ARID1B: variants seen among roughly 807,000 people sequenced by gnomAD.
The protein encoded by ARID1B is AT-rich interactive domain-containing protein 1B.
ARID1B carries 30 observed loss-of-function variants against 212.3 expected under a neutral mutation model. The observed-to-expected ratio is 0.14, with a 90% CI of 0.11 to 0.19. The LOEUF (loss-of-function observed/expected upper bound fraction) is 0.19. ARID1B is among the 10% of genes least tolerant of loss of function. The pLI, the probability that ARID1B is intolerant of heterozygous loss-of-function variation, is 1.00. For missense variants in ARID1B, 2,891 were observed against 3,204.0 expected, an observed-to-expected ratio of 0.90 and a Z score of 2.36; for synonymous variants, 1,402 against 1,301.7, an observed-to-expected ratio of 1.08 and a Z score of -1.66.
chr6:157,184,759 T>C (rs2128327240), intron 13 of ARID1B: 10 of 364,838 alleles, frequency 2.7e-5, no homozygotes, highest in South Asian at 2.7e-4. Flanking sequence ...TCCATCTACC[T>C]CTACACAAAA....
chr6:156,896,613 G>T (rs112354980), intron 2 of ARID1B, among the ~76,000 whole-genome samples: 2 of 147,194 alleles, frequency 1.4e-5, no homozygotes, highest in Non-Finnish European at 3.0e-5. Flanking sequence ...GGACACAGTG[G>T]CTCACGCCTG....
At position 156,778,095 on chromosome 6, in the gene ARID1B, G is replaced by T; in HGVS notation, c.415G>T (p.Gly139Cys). The T allele has an allele frequency of 6.5e-7, 1 of 1,540,650 alleles. No homozygotes were observed. Among genetic ancestry groups the T allele is most frequent in the African/African-American group, 1.4e-5 (1 of 72,936 alleles). ...AASSSSSSGP[G>C]SAMETGLLPN... ...ATCCTCTTCCTCCTCGTCGGGCCCG[G>T]GCTCGGCCATGGAGACGGGGCTGCT... Residue 139 changes from glycine to cysteine, a missense_variant, in exon 1 of 20, where the codon GGC becomes TGC. Transcript: ENST00000636930.
At chr6:156,978,094 A>G (rs1208127014) in intron 4 of ARID1B, among the ~76,000 whole-genome samples, 1 of 152,162 alleles carries the variant, frequency 6.6e-6, no homozygotes, top group South Asian at 2.1e-4. Flanking sequence ...GACTCTGCCG[A>G]GTATGGGAGG....
intron 6 of ARID1B, among the ~76,000 whole-genome samples, chr6:157,113,568 C>T (rs751480409): frequency 2.0e-5 from 3 of 152,086 alleles, no homozygotes; most frequent in Non-Finnish European, 4.4e-5. Flanking sequence ...TTTAAACAAC[C>T]ATATCTCGTG....
chr6:157,119,182 C>T (rs1263178486), intron 6 of ARID1B, among the ~76,000 whole-genome samples: 2 of 152,150 alleles, frequency 1.3e-5, no homozygotes, highest in Admixed American at 1.3e-4. Flanking sequence ...TCCCACACAC[C>T]CCTTCTCCAT....
At chr6:156,880,006 G>A (rs930781332) in intron 2 of ARID1B, among the ~76,000 whole-genome samples, 2 of 152,236 alleles carry the variant, frequency 1.3e-5, no homozygotes, top group Non-Finnish European at 2.9e-5. Context: ...GATTTCCAAA[G>A]GCTGTTCCAG....
intron 1 of ARID1B, among the ~76,000 whole-genome samples, chr6:156,827,855 G>C (rs572634119): frequency 6.7e-6 from 1 of 148,474 alleles, no homozygotes; most frequent in Non-Finnish European, 1.5e-5. Context: ...CCGCCTCCTG[G>C]GTTCAAGCGA....
At chr6:156,863,155 A>T (rs1785451204) in intron 2 of ARID1B, among the ~76,000 whole-genome samples, 1 of 152,120 alleles carries the variant, frequency 6.6e-6, no homozygotes, top group South Asian at 2.1e-4. Context: ...GCTTGTGGGG[A>T]TAAGAAGGAT....
chr6:156,805,200 T>G (rs902001600), intron 1 of ARID1B, among the ~76,000 whole-genome samples: 39 of 152,298 alleles, frequency 2.6e-4, no homozygotes, highest in African/African-American at 8.7e-4. Flanking sequence ...TTTTCAGGGA[T>G]GTAGTATTGG....
At chr6:156,875,415 G>A (rs1319197901) in intron 2 of ARID1B, among the ~76,000 whole-genome samples, 1 of 152,202 alleles carries the variant, frequency 6.6e-6, no homozygotes, top group Non-Finnish European at 1.5e-5. Context: ...GGAACACTTT[G>A]CCATTTATTC....
At position 156,897,218 on chromosome 6, in the gene ARID1B, G is replaced by GCTGCTGCTTCTT. The variant is rs1554264583; in HGVS notation, c.1987-4156_1987-4155insGCTGCTTCTTCT. 1.7e-3 allele frequency among the ~76,000 whole-genome samples: 153 copies of GCTGCTGCTTCTT among 91,306 alleles called. 1 individual carries two copies. Among genetic ancestry groups the GCTGCTGCTTCTT allele is most frequent in the African/African-American group, 4.8e-3 (118 of 24,740 alleles). 59.9% of individuals were successfully genotyped at this position (91,306 alleles called of 152,430 possible). ...TGCTGCTGCTGCTGCTGCTGCTGCT[G>GCTGCTGCTTCTT]CTTCTTCTTCTTCTTCTTCTTCTTC... On this transcript the variant is annotated intron_variant, in intron 2 of 19. Coordinates refer to ENST00000636930, the MANE Select transcript of ARID1B (RefSeq NM_001374828.1).
chr6:157,181,237 G>T (rs139315499), intron 12 of ARID1B, 59 bp downstream of exon 12: 1 of 1,574,988 alleles, frequency 6.3e-7, no homozygotes, highest in South Asian at 1.1e-5. Flanking sequence ...TTCTTACAGT[G>T]GCTTTCTTTG....
In ARID1B at chr6:157,175,229, T is replaced by C. The variant is rs572600763; in HGVS notation, c.3504+224T>C. The C allele has an allele frequency of 1.3e-5, 4 of 319,470 alleles. No homozygotes were observed. In the East Asian group the frequency reaches 2.4e-4, roughly 19 times the overall value. The allele number at this position is 319,470 out of a possible 1,614,324, so 19.8% of individuals were successfully genotyped here. ...AGTTGATTTCTGGTAATGAAAAAGCTGTTATAAAGAAGCACCTCTATACAA... is the reference window on the plus strand; with the variant it reads ...AGTTGATTTCTGGTAATGAAAAAGCCGTTATAAAGAAGCACCTCTATACAA... On this transcript the variant is annotated intron_variant, in intron 11 of 19. Transcript: ENST00000636930.
chr6:157,152,953 C>T (rs568851109), intron 8 of ARID1B, among the ~76,000 whole-genome samples: 2 of 152,128 alleles, frequency 1.3e-5, no homozygotes, highest in African/African-American at 2.4e-5. Context: ...CTGAAAAGGA[C>T]AAATTAATGA....
rs1483839954 is a variant in ARID1B at position 156,778,449 on chromosome 6, C to G, written c.769C>G (p.Pro257Ala). Residue 257 changes from proline to alanine, a missense_variant, in exon 1 of 20, where the codon CCG becomes GCG. Pro to Ala is a conservative substitution (Grantham distance 27). Transcript: ENST00000636930. Reference protein sequence around the residue: ...DSAAGGQADPPGPPLLSKPGD... With the variant: ...DSAAGGQADPAGPPLLSKPGD... Reference sequence around the variant, plus strand: ...TGCTGCGGGCGGCCAGGCCGACCCCCCGGGCCCGCCGCTGCTGAGCAAGCC... The same window carrying G: ...TGCTGCGGGCGGCCAGGCCGACCCCGCGGGCCCGCCGCTGCTGAGCAAGCC... 2 of 1,407,552 alleles carry G rather than the reference C, an allele frequency of 1.4e-6. No homozygotes were observed. Among genetic ancestry groups the G allele is most frequent in the Non-Finnish European group, 1.8e-6 (2 of 1,089,596 alleles). 87.2% of individuals were successfully genotyped at this position (1,407,552 alleles called of 1,614,324 possible).
chr6:157,032,509 A>AT lies in ARID1B; in HGVS notation c.2248-52153_2248-52152insT, dbSNP rs1194358741. Among the ~76,000 whole-genome samples, 5 of 152,146 alleles carry AT rather than the reference A, an allele frequency of 3.3e-5. No individual in the cohort carries two copies. In the East Asian group the frequency reaches 9.6e-4, roughly 29 times the overall value. ...GTTTGAGGATATTGATATGTAATGG[A>AT]AGATTGTTTTCTGGGCGGGTCATTC... On this transcript the variant is annotated intron_variant, in intron 4 of 19. Coordinates refer to ENST00000636930, the MANE Select transcript of ARID1B (RefSeq NM_001374828.1).
In ARID1B at chr6:157,201,139, C is replaced by G; in HGVS notation, c.4914C>G (p.His1638Gln). The change falls in exon 18 of 20, where the codon CAC (histidine) becomes CAG (glutamine). Residue 1638 changes from histidine (H) to glutamine (Q), a missense_variant. Transcript: ENST00000636930. The surrounding 1 kb of genome is among the most constrained non-coding windows in gnomAD (Gnocchi z 5.2). ...ATCATGAGAGCCAGTGGCCTTCTCA[C>G]GTCAGCCAGCGTCAGCCTTATATGT... ...RINHESQWPS[H>Q]VSQRQPYMSS... 6.2e-7 allele frequency: 1 copy of G among 1,614,188 alleles called. No homozygotes were observed. The highest frequency in any genetic ancestry group is 1.7e-5 in the Admixed American group (1 of 60,024).
chr6:156,884,569 G>GT (rs1362064436), intron 2 of ARID1B, among the ~76,000 whole-genome samples: 1 of 152,206 alleles, frequency 6.6e-6, no homozygotes, highest in Non-Finnish European at 1.5e-5. Context: ...ATTAGGAGGT[G>GT]TAAGGATGGA....
At chr6:156,971,137 A>G (rs1776893836) in intron 4 of ARID1B, among the ~76,000 whole-genome samples, 1 of 152,204 alleles carries the variant, frequency 6.6e-6, no homozygotes, top group African/African-American at 2.4e-5. Flanking sequence ...GGGTTTTTGT[A>G]GATTTGGGGC....
Sources: gnomAD v4.1 joint callset for allele counts (sites outside exome capture counted in the v4.1 genomes callset) on GRCh38, gnomAD v4.1.1 for gene constraint, Gnocchi (gnomAD v3.1) non-coding constraint, MANE v1.5 for transcripts, NCBI Gene and HGNC (gene_info 2026-07-23, HGNC 2026-07-21) for gene names.